Variants in HAO2 observed in about 807,000 individuals in gnomAD.
The protein encoded by HAO2 is 2-Hydroxyacid oxidase 2.
HAO2 carries 42 observed loss-of-function variants against 37.4 expected under a neutral mutation model. The ratio of observed to expected loss-of-function variants is 1.12; its 90% CI spans 0.88 to 1.45. The LOEUF (loss-of-function observed/expected upper bound fraction) is 1.45. Among genes scored for constraint, HAO2 ranks in the 40% most tolerant of loss-of-function variants. The pLI is 0.00. For missense variants in HAO2, 476 were observed against 430.2 expected, an observed-to-expected ratio of 1.11 and a Z score of -0.94; for synonymous variants, 180 against 162.8, an observed-to-expected ratio of 1.11 and a Z score of -0.81.
chr1:119,392,826 C>A, intron 7 of HAO2, 139 bp downstream of exon 7: 1 of 696,822 alleles, frequency 1.4e-6, no homozygotes, highest in Non-Finnish European at 2.6e-6. Context: ...ACTTTCAAGA[C>A]AAAGATTAAG....
rs758855767 is a variant in HAO2, at chr1:119,381,191, G to C, written c.106G>C (p.Asp36His). The change falls in exon 2 of 8, where the codon GAT becomes CAT. Residue 36 changes from aspartate to histidine, a missense_variant. Asp to His is a moderately conservative substitution (Grantham distance 81). Coordinates refer to ENST00000325945, the MANE Select transcript of HAO2 (RefSeq NM_016527.4). Reference sequence around the variant, plus strand: ...TGGAGCAGATGACAGCATCACGCGGGATGACAACATTGCAGCATTTAAAAG... The same window carrying C: ...TGGAGCAGATGACAGCATCACGCGGCATGACAACATTGCAGCATTTAAAAG... ...EGGADDSITRDDNIAAFKRIR... is the reference protein window; with the variant it reads ...EGGADDSITRHDNIAAFKRIR... The C allele has an allele frequency of 6.2e-7, 1 of 1,611,566 alleles. No homozygotes were observed. Among genetic ancestry groups the C allele is most frequent in the Non-Finnish European group, 8.5e-7 (1 of 1,177,714 alleles).
chr1:119,391,079 TATTC>T (rs1402336417), intron 5 of HAO2, among the ~76,000 whole-genome samples: 17 of 152,172 alleles, frequency 1.1e-4, no homozygotes, highest in Non-Finnish European at 8.8e-5. Context: ...GTTCAAAACA[TATTC>T]AATTCCCCGC....
chr1:119,389,210 G>C (rs1650673389), intron 5 of HAO2, among the ~76,000 whole-genome samples: 1 of 96,976 alleles, frequency 1.0e-5, no homozygotes, highest in African/African-American at 4.3e-5. Flanking sequence ...ATGGGCATTT[G>C]GGTGGGTTCC....
intron 5 of HAO2, among the ~76,000 whole-genome samples, chr1:119,388,896 C>A (rs1345932835): frequency 6.6e-6 from 1 of 150,814 alleles, no homozygotes; most frequent in Non-Finnish European, 1.5e-5. Context: ...TACACTGCAC[C>A]CTATTTGTAG....
intron 1 of HAO2, among the ~76,000 whole-genome samples, chr1:119,372,098 G>A (rs774084059): frequency 6.6e-6 from 1 of 152,186 alleles, no homozygotes; most frequent in Non-Finnish European, 1.5e-5. Flanking sequence ...TGGATTCCCA[G>A]GTGACTGAAA....
intron 1 of HAO2, chr1:119,380,742 A>T: frequency 2.0e-6 from 3 of 1,518,006 alleles, no homozygotes; most frequent in Non-Finnish European, 2.7e-6. Flanking sequence ...CAAAAATAAG[A>T]ATTTTTTGTA....
At chr1:119,383,680 T>C (rs1390457947) in intron 3 of HAO2, among the ~76,000 whole-genome samples, 3 of 149,784 alleles carry the variant, frequency 2.0e-5, no homozygotes, top group African/African-American at 4.9e-5. Context: ...ATAATAATAA[T>C]AATAAATAGA....
At chr1:119,377,881 A>G (rs1411430375) in intron 1 of HAO2, among the ~76,000 whole-genome samples, 1 of 152,216 alleles carries the variant, frequency 6.6e-6, no homozygotes, top group Non-Finnish European at 1.5e-5. Flanking sequence ...AGCCTGGCCA[A>G]CATGGTGAAA....
chr1:119,380,784 TAGGTCTA>T, intron 1 of HAO2: 1 of 1,056,206 alleles, frequency 9.5e-7, no homozygotes, highest in African/African-American at 1.5e-5. Flanking sequence ...GGGCCTCAAC[TAGGTCTA>T]AGGTGGTGTG....
rs977491165 is a variant in HAO2, at chr1:119,388,778, A to T, written c.771+1947A>T. On this transcript the variant is annotated intron_variant, in intron 5 of 7. Coordinates refer to ENST00000325945, the MANE Select transcript of HAO2 (RefSeq NM_016527.4). The stretch of plus-strand genomic sequence containing the variant: ...AAACATCATTTATCTGAGTTTTTTT[A>T]AAAAAATTATTTCCACAGGTTATTA... Among the ~76,000 whole-genome samples the T allele has an allele frequency of 3.5e-4, 53 of 152,066 alleles. 1 individual carries two copies. The highest frequency in any genetic ancestry group is 3.4e-3 in the Middle Eastern group (1 of 294).
In HAO2 at chr1:119,394,010, C is replaced by T. The variant is rs1321498264; in HGVS notation, c.*170C>T. The T allele has an allele frequency of 4.2e-6, 6 of 1,431,334 alleles. No individual in the cohort carries two copies. The highest frequency in any genetic ancestry group is 4.6e-6 in the Non-Finnish European group (5 of 1,086,644). 88.7% of individuals were successfully genotyped at this position (1,431,334 alleles called of 1,614,324 possible). The stretch of plus-strand genomic sequence containing the variant: ...CCCTGTGCTTCAGGCCCTCCAAACC[C>T]CTGTGTTCCCCAAATGTTCCATGCC... On this transcript the variant is annotated 3_prime_UTR_variant, in exon 8 of 8. Coordinates refer to ENST00000325945, the MANE Select transcript of HAO2 (RefSeq NM_016527.4).
At chr1:119,380,915 G>T (rs757208432) in intron 1 of HAO2, among the ~76,000 whole-genome samples, 163 bp from the exon 2 acceptor site, 10 of 152,158 alleles carry the variant, frequency 6.6e-5, no homozygotes, top group Admixed American at 6.5e-4. Flanking sequence ...CTGACTTCTG[G>T]CTTAGGGATC....
chr1:119,393,135 G>A (rs1257114757), intron 7 of HAO2, among the ~76,000 whole-genome samples: 1 of 152,012 alleles, frequency 6.6e-6, no homozygotes, highest in African/African-American at 2.4e-5. Context: ...CCAGTTAAAC[G>A]TTACGCAGCC....
intron 2 of HAO2, among the ~76,000 whole-genome samples, chr1:119,381,720 C>T (rs1387885565): frequency 6.6e-6 from 1 of 152,118 alleles, no homozygotes; most frequent in African/African-American, 2.4e-5. Flanking sequence ...AACAGCAGTC[C>T]ACAGGCAGAG....
At chr1:119,380,649 C>T (rs747170075) in intron 1 of HAO2, 18 of 1,472,720 alleles carry the variant, frequency 1.2e-5, no homozygotes, top group Middle Eastern at 1.7e-4. Flanking sequence ...AGACAAGAGG[C>T]AGGCATGATC....
intron 1 of HAO2, chr1:119,380,798 T>A: frequency 1.1e-6 from 1 of 939,164 alleles, no homozygotes. Context: ...TCTAAGGTGG[T>A]GTGTGTACAG....
rs142575620 is a variant in HAO2 at position 119,380,264 on chromosome 1, T to C, written c.-8-814T>C. Among the ~76,000 whole-genome samples the C allele has an allele frequency of 1.2e-3, 189 of 152,260 alleles. 2 individuals carry two copies. In the Middle Eastern group the frequency reaches 0.017, roughly 14 times the overall value. ...CATTACCCCCAAGCCCTGTCCTCTT[T>C]CCTCTTTCAGGGTGTTGTATCAAAA... On this transcript the variant is annotated intron_variant, in intron 1 of 7. Coordinates refer to ENST00000325945, the MANE Select transcript of HAO2 (RefSeq NM_016527.4).
intron 1 of HAO2, among the ~76,000 whole-genome samples, chr1:119,377,430 C>G (rs1034332182): frequency 6.6e-6 from 1 of 152,208 alleles, no homozygotes. Flanking sequence ...CAAGATGTCT[C>G]TAGGAAGTTC....
chr1:119,374,103 T>A (rs745584243), intron 1 of HAO2, among the ~76,000 whole-genome samples: 9 of 152,304 alleles, frequency 5.9e-5, no homozygotes, highest in Non-Finnish European at 1.3e-4. Context: ...TCAGTTCCCT[T>A]TTTACTCTGA....
Sources: allele counts gnomAD v4.1 joint callset (sites outside exome capture counted in the v4.1 genomes callset), GRCh38; gene constraint gnomAD v4.1.1; transcripts MANE v1.5; gene names NCBI Gene and HGNC (gene_info 2026-07-23, HGNC 2026-07-21).